PEPD: variants seen among roughly 807,000 people sequenced by gnomAD.
The protein encoded by PEPD is peptidase D.
In PEPD, 53 loss-of-function variants were observed where a neutral mutation model predicts 60.7. The observed-to-expected ratio is 0.87, with a 90% CI of 0.70 to 1.10. PEPD has a LOEUF of 1.10. PEPD is among the 50% of genes least tolerant of loss of function. PEPD has a pLI of 0.00. For missense variants in PEPD, 711 were observed against 711.9 expected (o/e 1.00, Z 0.01); for synonymous variants, 267 against 284.1 (o/e 0.94, Z 0.60).
intron 2 of PEPD, chr19:33,511,384 A>G (rs1314122936): frequency 5.7e-6 from 3 of 524,584 alleles, no homozygotes; most frequent in Non-Finnish European, 1.1e-5. Flanking sequence ...GCCCTCCCTG[A>G]TGCTGTGTCA....
intron 9 of PEPD, among the ~76,000 whole-genome samples, chr19:33,450,817 C>A (rs1162209729): frequency 6.6e-6 from 1 of 152,086 alleles, no homozygotes; most frequent in African/African-American, 2.4e-5. Flanking sequence ...GGCTCGGACA[C>A]CAGACCAAAT....
At chr19:33,391,231 C>T (rs1477721743) in intron 13 of PEPD, 64 bp downstream of exon 13, 58 of 1,366,296 alleles carry the variant, frequency 4.2e-5, no homozygotes, top group Non-Finnish European at 5.5e-5. Flanking sequence ...CCCACCCTGC[C>T]CTGGGGGTCA....
chr19:33,454,500 G>A (rs1045228599), intron 9 of PEPD, among the ~76,000 whole-genome samples: 3 of 152,004 alleles, frequency 2.0e-5, no homozygotes, highest in African/African-American at 7.3e-5. Context: ...TACTCGAGCG[G>A]CTGAAGCAGG....
chr19:33,422,382 C>T (rs370358582), intron 9 of PEPD, among the ~76,000 whole-genome samples: 125 of 152,028 alleles, frequency 8.2e-4, no homozygotes, highest in African/African-American at 3.0e-3. Context: ...TATCATCCAT[C>T]TACCCATCCA....
rs1380724006 is a variant in PEPD, at chr19:33,463,003, C to G, written c.663G>C (p.Glu221Asp). 17 of 1,596,302 alleles carry G rather than the reference C, an allele frequency of 1.1e-5. No individual in the cohort carries two copies. The highest frequency in any genetic ancestry group is 1.5e-5 in the Non-Finnish European group (17 of 1,163,858). ...KAVKVGMKEY[E>D]LESLFEHYCY... ...GAAACATGGTGGCTTACCTTTCCAA[C>G]TCATATTCTTTCATTCCCACTTTTA... Residue 221 changes from glutamate to aspartate, a missense_variant, in exon 9 of 15, where the codon GAG becomes GAC. Glu to Asp is a conservative substitution (Grantham distance 45). Transcript: ENST00000244137.
chr19:33,446,912 C>G (rs1969604789), intron 9 of PEPD, among the ~76,000 whole-genome samples: 1 of 152,174 alleles, frequency 6.6e-6, no homozygotes. Context: ...CTGGGATGGA[C>G]AGTAAGAAAG....
intron 9 of PEPD, among the ~76,000 whole-genome samples, chr19:33,455,449 C>T (rs764798567): frequency 6.6e-6 from 1 of 151,568 alleles, no homozygotes; most frequent in South Asian, 2.1e-4. Flanking sequence ...TCCTTAAACT[C>T]GTGATAAATA....
chr19:33,395,838 A>T (rs916544965), intron 12 of PEPD, among the ~76,000 whole-genome samples: 1 of 152,216 alleles, frequency 6.6e-6, no homozygotes, highest in Non-Finnish European at 1.5e-5. Flanking sequence ...GTAGGACAGC[A>T]GGCTCCGGCC....
At chr19:33,436,505 C>T (rs1179593632) in intron 9 of PEPD, among the ~76,000 whole-genome samples, 1 of 152,224 alleles carries the variant, frequency 6.6e-6, no homozygotes, top group African/African-American at 2.4e-5. Flanking sequence ...CAAGTTCCTG[C>T]CTGGCAGGCC....
At chr19:33,391,991 G>A (rs573959955) in intron 12 of PEPD, among the ~76,000 whole-genome samples, 1 of 152,350 alleles carries the variant, frequency 6.6e-6, no homozygotes, top group East Asian at 1.9e-4. Context: ...AGGCTGAAAA[G>A]AGGGGTCCCT....
chr19:33,458,447 G>A (rs1206246358), intron 9 of PEPD, among the ~76,000 whole-genome samples: 1 of 150,932 alleles, frequency 6.6e-6, no homozygotes, highest in East Asian at 2.0e-4. Flanking sequence ...TGTGGTATAT[G>A]TGTGGTGTGT....
At chr19:33,445,605 C>CCTT (rs1568475238) in intron 9 of PEPD, among the ~76,000 whole-genome samples, 1 of 152,208 alleles carries the variant, frequency 6.6e-6, no homozygotes, top group Non-Finnish European at 1.5e-5. Flanking sequence ...CCTGCCGATG[C>CCTT]CTTGATCTTG....
At chr19:33,494,580 C>T (rs1267880874) in intron 4 of PEPD, among the ~76,000 whole-genome samples, 2 of 152,174 alleles carry the variant, frequency 1.3e-5, no homozygotes, top group African/African-American at 2.4e-5. Flanking sequence ...CACTTATTTC[C>T]TGTCATTATA....
chr19:33,394,334 G>A (rs967080369), intron 12 of PEPD, among the ~76,000 whole-genome samples: 1 of 152,262 alleles, frequency 6.6e-6, no homozygotes, highest in Non-Finnish European at 1.5e-5. Context: ...CGGGAATCAG[G>A]TATAAATCAT....
chr19:33,506,046 A>G (rs1436383520), intron 3 of PEPD, among the ~76,000 whole-genome samples: 1 of 138,926 alleles, frequency 7.2e-6, no homozygotes, highest in African/African-American at 2.8e-5. Flanking sequence ...AACACAGCAC[A>G]CTCCCACCCA....
chr19:33,393,620 G>A (rs534100721), intron 12 of PEPD, among the ~76,000 whole-genome samples: 5 of 151,158 alleles, frequency 3.3e-5, no homozygotes, highest in East Asian at 1.9e-4. Flanking sequence ...GTCACCTGGG[G>A]GCTGGAGGCA....
At chr19:33,463,312 C>T (rs1280804442) in intron 8 of PEPD, among the ~76,000 whole-genome samples, 2 of 152,182 alleles carry the variant, frequency 1.3e-5, no homozygotes, top group South Asian at 2.1e-4. Flanking sequence ...CACCAGCAGC[C>T]CGAGGACAGT....
In PEPD at chr19:33,485,959, C is replaced by A. The variant is rs377341130; in HGVS notation, c.503+4037G>T. Among the ~76,000 whole-genome samples, 25 of 152,186 alleles carry A rather than the reference C, an allele frequency of 1.6e-4. No individual in the cohort carries two copies. In the East Asian group the frequency reaches 4.5e-3, roughly 27 times the overall value. ...GCGACTGCCTTGTGCCAAGAAGGCA[C>A]CCTCGTTAAGGCATGGAAACTTGAT... On this transcript the variant is annotated intron_variant, in intron 6 of 14. Transcript: ENST00000244137.
chr19:33,503,901 T>G (rs560632435), intron 3 of PEPD, among the ~76,000 whole-genome samples: 1 of 152,188 alleles, frequency 6.6e-6, no homozygotes, highest in East Asian at 1.9e-4. Flanking sequence ...ACCTTGTCAC[T>G]TCCACTCCCG....
Sources: allele counts gnomAD v4.1 joint callset (sites outside exome capture counted in the v4.1 genomes callset), GRCh38; gene constraint gnomAD v4.1.1; transcripts MANE v1.5; gene names NCBI Gene and HGNC (gene_info 2026-07-23, HGNC 2026-07-21).